The following PLXDC1 variants were observed in gnomAD, a reference collection of about 807,000 sequenced individuals.
PLXDC1 encodes plexin domain-containing protein 1.
Under a neutral mutation model 61.3 loss-of-function variants are expected in PLXDC1, and 39 were observed. The ratio of observed to expected loss-of-function variants is 0.64; its 90% confidence interval spans 0.49 to 0.83. PLXDC1 has a LOEUF of 0.83. Among genes scored for constraint, PLXDC1 ranks in the 40% least tolerant of loss-of-function variants. The pLI is 0.00. For synonymous variants in PLXDC1, 212 were observed against 254.5 expected, an observed-to-expected ratio of 0.83 and a Z score of 1.59; for missense variants, 596 against 666.5, an observed-to-expected ratio of 0.89 and a Z score of 1.17.
At chr17:39,121,102 A>C (rs988295100) in intron 2 of PLXDC1, among the ~76,000 whole-genome samples, 1 of 151,176 alleles carries the variant, frequency 6.6e-6, no homozygotes, top group African/African-American at 2.4e-5. Context: ...CGGCCTCCCA[A>C]AGTGCTGGGA....
intron 8 of PLXDC1, 38 bp downstream of exon 8, chr17:39,087,567 CCA>C: frequency 6.7e-7 from 1 of 1,491,526 alleles, no homozygotes. Flanking sequence ...CTGCTTGACT[CCA>C]GAGCTCTTTC....
intron 2 of PLXDC1, among the ~76,000 whole-genome samples, chr17:39,135,816 G>C (rs1384174839): frequency 6.6e-6 from 1 of 152,106 alleles, no homozygotes; most frequent in African/African-American, 2.4e-5. Flanking sequence ...CATTGCCCCA[G>C]TGTTTCTGAA....
chr17:39,127,695 C>A (rs1374666857), intron 2 of PLXDC1, among the ~76,000 whole-genome samples: 1 of 151,974 alleles, frequency 6.6e-6, no homozygotes, highest in African/African-American at 2.4e-5. Context: ...GTGGCTCATG[C>A]CTGTAATCCC....
intron 2 of PLXDC1, among the ~76,000 whole-genome samples, chr17:39,123,675 T>A (rs1911232731): frequency 6.6e-6 from 1 of 152,128 alleles, no homozygotes; most frequent in African/African-American, 2.4e-5. Context: ...AACCCCCAGC[T>A]CCATCTGAAA....
intron 12 of PLXDC1, among the ~76,000 whole-genome samples, chr17:39,070,936 C>G (rs1464171421): frequency 6.6e-6 from 1 of 152,222 alleles, no homozygotes; most frequent in Non-Finnish European, 1.5e-5. Context: ...CGAGATCGCA[C>G]CACTGCACTC....
chr17:39,115,720 G>A (rs925936488), intron 2 of PLXDC1, among the ~76,000 whole-genome samples: 1 of 152,178 alleles, frequency 6.6e-6, no homozygotes, highest in African/African-American at 2.4e-5. Context: ...GAGTGGTGAT[G>A]GGAGAGTGCT....
intron 9 of PLXDC1, among the ~76,000 whole-genome samples, chr17:39,081,920 T>A (rs777834216): frequency 5.3e-5 from 8 of 152,330 alleles, no homozygotes; most frequent in South Asian, 2.1e-4. Context: ...CCAGCCTGGA[T>A]GACAGAGCAA....
In PLXDC1 at chr17:39,107,528, G is replaced by A; in HGVS notation, c.593-3C>T. ...CCACTGAACCACAAAGACTGTCCCT[G>A]GGGAGAAGAACAGAGACCCGGCTGG... is the stretch of plus-strand genomic sequence containing the variant. On this transcript the variant is annotated splice_polypyrimidine_tract_variant and splice_region_variant and intron_variant, in intron 5 of 13. Coordinates refer to ENST00000315392, the MANE Select transcript of PLXDC1 (RefSeq NM_020405.5). The A allele has an allele frequency of 6.2e-7, 1 of 1,602,280 alleles. No homozygotes were observed. Among genetic ancestry groups the A allele is most frequent in the Non-Finnish European group, 8.6e-7 (1 of 1,169,192 alleles).
At chr17:39,086,859 C>CAAAAAAAAAAAAAA (rs765774886) in intron 8 of PLXDC1, among the ~76,000 whole-genome samples, 24 of 71,482 alleles carry the variant, frequency 3.4e-4, no homozygotes, top group Non-Finnish European at 4.9e-4. Context: ...GAGACTGTCT[C>CAAAAAAAAAAAAAA]AAAAAAAAAA....
At chr17:39,089,003 AAGAAT>A (rs1408776226) in intron 7 of PLXDC1, among the ~76,000 whole-genome samples, 2 of 151,300 alleles carry the variant, frequency 1.3e-5, no homozygotes, top group Non-Finnish European at 2.9e-5. Flanking sequence ...GAAAGAGAAA[AAGAAT>A]AGAAAGAAAA....
At chr17:39,107,914 C>T (rs1948222637) in intron 5 of PLXDC1, 1 of 620,892 alleles carries the variant, frequency 1.6e-6, no homozygotes, top group Admixed American at 2.8e-5. Context: ...GAGCCAAGCA[C>T]TGTCGTTTTG....
chr17:39,074,768 G>A (rs538056209), intron 11 of PLXDC1, among the ~76,000 whole-genome samples: 5 of 152,020 alleles, frequency 3.3e-5, no homozygotes, highest in African/African-American at 7.3e-5. Context: ...ACCCCTCCCC[G>A]CCCTGGCCCA....
At chr17:39,121,813 C>T (rs1332572666) in intron 2 of PLXDC1, among the ~76,000 whole-genome samples, 7 of 152,080 alleles carry the variant, frequency 4.6e-5, no homozygotes, top group Admixed American at 6.6e-5. Context: ...AAAGATTGCC[C>T]GTAATAAGAA....
intron 2 of PLXDC1, among the ~76,000 whole-genome samples, chr17:39,121,968 G>C (rs1911172399): frequency 6.6e-6 from 1 of 151,410 alleles, no homozygotes; most frequent in Non-Finnish European, 1.5e-5. Context: ...GTGGTGGTGG[G>C]CGCCTGTAAT....
chr17:39,128,165 A>G (rs1475761959), intron 2 of PLXDC1, among the ~76,000 whole-genome samples: 2 of 99,144 alleles, frequency 2.0e-5, no homozygotes, highest in African/African-American at 4.5e-5. Flanking sequence ...ATATATATGT[A>G]TATATATGTA....
intron 1 of PLXDC1, among the ~76,000 whole-genome samples, chr17:39,141,130 T>G (rs2143947569): frequency 6.6e-6 from 1 of 152,282 alleles, no homozygotes; most frequent in Middle Eastern, 3.4e-3. Context: ...GCTGGGCTCA[T>G]GCGATCCTCC....
Position 39,063,604 on chromosome 17 carries a change from C to G in PLXDC1, c.*4236G>C. Reference sequence around the variant, plus strand: ...AATCCTTTGCACTTTCTTTTGCACACAGCAGGAGTTGTAAAAGAATGCTTC... The same window carrying G: ...AATCCTTTGCACTTTCTTTTGCACAGAGCAGGAGTTGTAAAAGAATGCTTC... On this transcript the variant is annotated 3_prime_UTR_variant, in exon 14 of 14. Transcript: ENST00000315392. 4.6e-6 allele frequency: 3 copies of G among 650,568 alleles called. No homozygotes were observed. Among genetic ancestry groups the G allele is most frequent in the Non-Finnish European group, 8.3e-6 (3 of 362,732 alleles). The allele number at this position is 650,568 out of a possible 1,614,324, so 40.3% of individuals were successfully genotyped here. A position where few individuals can be genotyped will look rare whatever the true frequency, so the allele number is the denominator to read the frequency against.
chr17:39,105,814 TACCCCC>T (rs751604433), intron 7 of PLXDC1, 34 bp downstream of exon 7: 1 of 1,336,334 alleles, frequency 7.5e-7, no homozygotes, highest in Non-Finnish European at 1.1e-6. Flanking sequence ...AGCGGAGTCC[TACCCCC>T]ATCAAGGCCT....
rs1360601646 is a variant in PLXDC1 at position 39,066,329 on chromosome 17, G to T, written c.*1511C>A. 6.6e-6 allele frequency: 1 copy of T among 152,256 alleles called. No individual in the cohort carries two copies. Among genetic ancestry groups the T allele is most frequent in the Non-Finnish European group, 1.5e-5 (1 of 68,056 alleles). 9.4% of individuals were successfully genotyped at this position (152,256 alleles called of 1,614,324 possible). A position where few individuals can be genotyped will look rare whatever the true frequency, so the allele number is the denominator to read the frequency against. The stretch of plus-strand genomic sequence containing the variant: ...TGCAGGTTGGGGTAAAGCCCTTGAT[G>T]CAGGCTGTAACATGTTTTGATGCAG... On this transcript the variant is annotated 3_prime_UTR_variant, in exon 14 of 14. Transcript: ENST00000315392.
Sources: gnomAD v4.1 joint callset for allele counts (sites outside exome capture counted in the v4.1 genomes callset) on GRCh38, gnomAD v4.1.1 for gene constraint, MANE v1.5 for transcripts, NCBI Gene and HGNC (gene_info 2026-07-23, HGNC 2026-07-21) for gene names.